TMEM117: variants seen among roughly 807,000 people sequenced by gnomAD.
The protein encoded by TMEM117 is transmembrane protein 117.
Under a neutral mutation model 52.4 loss-of-function variants are expected in TMEM117, and 27 were observed. The observed-to-expected ratio is 0.51, with a 90% CI of 0.38 to 0.71. The LOEUF is 0.71. Among genes scored for constraint, TMEM117 ranks in the 30% least tolerant of loss-of-function variants. TMEM117 has a pLI of 0.00. For missense variants in TMEM117, 556 were observed against 630.5 expected, an observed-to-expected ratio of 0.88 and a Z score of 1.26; for synonymous variants, 215 against 206.3, an observed-to-expected ratio of 1.04 and a Z score of -0.36.
chr12:43,802,718 A>G, the TMEM117 span, among the ~76,000 whole-genome samples: 1 of 152,204 alleles, frequency 6.6e-6, no homozygotes, highest in East Asian at 1.9e-4. Context: ...AAAAATGATC[A>G]TAACAGTTGA....
chr12:43,972,828 T>C (rs890631380), intron 3 of TMEM117, among the ~76,000 whole-genome samples: 6 of 152,160 alleles, frequency 3.9e-5, no homozygotes, highest in African/African-American at 1.4e-4. Flanking sequence ...TACAAACCTC[T>C]TGTAAGACAG....
intron 3 of TMEM117, among the ~76,000 whole-genome samples, chr12:44,043,708 C>T (rs1946836500): frequency 6.6e-6 from 1 of 152,114 alleles, no homozygotes; most frequent in Non-Finnish European, 1.5e-5. Flanking sequence ...AGACTAAAGT[C>T]CCAGTGGGCC....
At chr12:43,802,358 T>TA in the TMEM117 span, 1 of 1,602,156 alleles carries the variant, frequency 6.2e-7, no homozygotes, top group Non-Finnish European at 8.5e-7. Context: ...CTAACCTGAA[T>TA]AATATATAGC....
chr12:44,165,496 T>C (rs1948953874), intron 4 of TMEM117, among the ~76,000 whole-genome samples: 1 of 152,086 alleles, frequency 6.6e-6, no homozygotes, highest in Non-Finnish European at 1.5e-5. Context: ...ATTTCACCTG[T>C]AAAGACTCAT....
At chr12:43,912,916 G>T (rs1260996054) in intron 2 of TMEM117, among the ~76,000 whole-genome samples, 1 of 152,022 alleles carries the variant, frequency 6.6e-6, no homozygotes. Flanking sequence ...TCCAAGAAAG[G>T]CTTGTCATTA....
intron 5 of TMEM117, among the ~76,000 whole-genome samples, chr12:44,216,005 C>CTTTTTTTTTTTTT (rs778425747): frequency 1.4e-4 from 16 of 110,830 alleles, no homozygotes; most frequent in South Asian, 6.0e-4. Flanking sequence ...TTCTTTCTTT[C>CTTTTTTTTTTTTT]TTTTTTTTTT....
chr12:44,020,078 T>C (rs1215804448), intron 3 of TMEM117, among the ~76,000 whole-genome samples: 1 of 152,208 alleles, frequency 6.6e-6, no homozygotes, highest in African/African-American at 2.4e-5. Context: ...TTGTGCATAT[T>C]AAAAATAAAT....
intron 3 of TMEM117, among the ~76,000 whole-genome samples, chr12:44,118,828 G>T (rs1948188197): frequency 6.6e-6 from 1 of 152,032 alleles, no homozygotes; most frequent in African/African-American, 2.4e-5. Flanking sequence ...ATGAAATCCT[G>T]TTACCCTTTG....
rs557840786 is a variant in TMEM117, at chr12:44,267,689, A to G, written c.609-31891A>G. 7.1e-4 allele frequency among the ~76,000 whole-genome samples: 108 copies of G among 152,328 alleles called. 1 individual carries two copies. Among genetic ancestry groups the G allele is most frequent in the African/African-American group, 2.4e-3 (100 of 41,586 alleles). On this transcript the variant is annotated intron_variant, in intron 5 of 7. Coordinates refer to ENST00000266534, the MANE Select transcript of TMEM117 (RefSeq NM_032256.3). ...CCCTCCTTTCTCCCTCCAAGTCCCT[A>G]GCAACCATTCCATTCACTGCCTCTA...
intron 5 of TMEM117, among the ~76,000 whole-genome samples, chr12:44,291,819 T>G (rs533621531): frequency 6.6e-6 from 1 of 152,224 alleles, no homozygotes; most frequent in East Asian, 1.9e-4. Context: ...AGCTAACATA[T>G]CCTTGCTTGC....
chr12:44,049,074 A>G (rs895722927), intron 3 of TMEM117, among the ~76,000 whole-genome samples: 5 of 152,202 alleles, frequency 3.3e-5, no homozygotes, highest in African/African-American at 1.2e-4. Context: ...GTATATACCC[A>G]AAGGAATATA....
chr12:44,166,008 G>A (rs926366401), intron 4 of TMEM117, among the ~76,000 whole-genome samples: 2 of 152,110 alleles, frequency 1.3e-5, no homozygotes, highest in Non-Finnish European at 2.9e-5. Context: ...TTTAAAATTC[G>A]AAATCATGTC....
chr12:44,014,018 A>G (rs1037117782), intron 3 of TMEM117, among the ~76,000 whole-genome samples: 11 of 152,188 alleles, frequency 7.2e-5, no homozygotes, highest in African/African-American at 2.7e-4. Context: ...GGGGAGGGGC[A>G]TAGGGAGAAC....
chr12:43,977,757 A>G (rs1462648956), intron 3 of TMEM117, among the ~76,000 whole-genome samples: 2 of 152,080 alleles, frequency 1.3e-5, no homozygotes. Flanking sequence ...CACATGTGGC[A>G]AAATAGTTGA....
downstream of TMEM117, among the ~76,000 whole-genome samples, chr12:44,390,199 G>GACAC (rs58917894): frequency 0.041 from 5,881 of 143,652 alleles, 182 homozygotes; most frequent in Middle Eastern, 0.12. Context: ...AAACATATCT[G>GACAC]ACACACACAC....
At chr12:44,201,377 A>G (rs1219265864) in intron 4 of TMEM117, among the ~76,000 whole-genome samples, 2 of 152,204 alleles carry the variant, frequency 1.3e-5, no homozygotes, top group Non-Finnish European at 2.9e-5. Context: ...GAAAACCAGC[A>G]TATACATAAT....
the TMEM117 span, among the ~76,000 whole-genome samples, chr12:43,820,912 G>A: frequency 2.6e-5 from 4 of 151,796 alleles, no homozygotes; most frequent in East Asian, 7.9e-4. Flanking sequence ...TGGCTAACAC[G>A]GTGAAACCCC....
chr12:44,366,556 G>C (rs1171526307), intron 6 of TMEM117, among the ~76,000 whole-genome samples: 1 of 152,050 alleles, frequency 6.6e-6, no homozygotes, highest in Non-Finnish European at 1.5e-5. Flanking sequence ...CATGAGGATG[G>C]ATAATTTTTC....
At chr12:44,387,963 G>A in intron 7 of TMEM117, 63 bp from the exon 8 acceptor site, 2 of 1,401,608 alleles carry the variant, frequency 1.4e-6, no homozygotes, top group South Asian at 2.7e-5. Flanking sequence ...TCATTTTATT[G>A]TAGAAAACCT....
Sources: gnomAD v4.1 joint callset for allele counts (sites outside exome capture counted in the v4.1 genomes callset) on GRCh38, gnomAD v4.1.1 for gene constraint, MANE v1.5 for transcripts, NCBI Gene and HGNC (gene_info 2026-07-23, HGNC 2026-07-21) for gene names.